Variants in KAZN observed in about 807,000 individuals in gnomAD.
KAZN encodes the protein kazrin.
A neutral mutation model predicts 87.4 loss-of-function variants in KAZN; 40 were observed. The observed-to-expected ratio is 0.46, with a 90% confidence interval of 0.36 to 0.60. The LOEUF (loss-of-function observed/expected upper bound fraction) is 0.60, where lower values mean the gene tolerates loss of function less well. KAZN is among the 20% of genes least tolerant of loss of function. KAZN has a pLI of 0.00. For missense variants in KAZN, 898 were observed against 1,073.9 expected (o/e 0.84, Z 2.29); for synonymous variants, 466 against 458.3 (o/e 1.02, Z -0.22).
chr1:14,716,939 GC>G (rs1236095149), intron 1 of KAZN, among the ~76,000 whole-genome samples: 1 of 151,854 alleles, frequency 6.6e-6, no homozygotes. Flanking sequence ...AGCATCTTAT[GC>G]TTTCTGGCCT....
At chr1:14,709,128 A>G (rs919274379) in intron 1 of KAZN, among the ~76,000 whole-genome samples, 1 of 151,976 alleles carries the variant, frequency 6.6e-6, no homozygotes, top group Non-Finnish European at 1.5e-5. Context: ...CCTCACCACC[A>G]CCCTAACGGC....
At chr1:14,703,141 G>A (rs1454412112) in intron 1 of KAZN, among the ~76,000 whole-genome samples, 1 of 152,210 alleles carries the variant, frequency 6.6e-6, no homozygotes, top group Non-Finnish European at 1.5e-5. Flanking sequence ...GTCTTTGAGA[G>A]TACTCCCTGA....
At chr1:14,805,690 G>A (rs144241161) in intron 1 of KAZN, among the ~76,000 whole-genome samples, 2 of 151,970 alleles carry the variant, frequency 1.3e-5, no homozygotes, top group African/African-American at 4.8e-5. Flanking sequence ...GAACCTGGGA[G>A]GTGGAGGTTG....
intron 2 of KAZN, among the ~76,000 whole-genome samples, chr1:14,229,690 A>G (rs932269854): frequency 6.6e-6 from 1 of 152,256 alleles, no homozygotes. Context: ...GGACCCTTTC[A>G]GGGCCCAAGC....
At chr1:14,920,383 C>G (rs1427605455) in intron 1 of KAZN, among the ~76,000 whole-genome samples, 2 of 151,454 alleles carry the variant, frequency 1.3e-5, no homozygotes, top group Non-Finnish European at 2.9e-5. Context: ...TCCCCACCCC[C>G]TGTCTGGACT....
intron 1 of KAZN, among the ~76,000 whole-genome samples, chr1:13,921,488 T>C (rs1271700912): frequency 1.3e-5 from 2 of 152,244 alleles, no homozygotes; most frequent in African/African-American, 4.8e-5. Flanking sequence ...TATAGTTTAC[T>C]GACATCTGTT....
intron 2 of KAZN, among the ~76,000 whole-genome samples, chr1:14,307,308 C>T (rs1015358130): frequency 2.0e-5 from 3 of 152,322 alleles, no homozygotes; most frequent in Middle Eastern, 3.4e-3. Context: ...CCAGTGGCAT[C>T]CTAGACACTC....
At chr1:14,952,061 A>G (rs1467084878) in intron 1 of KAZN, among the ~76,000 whole-genome samples, 1 of 152,060 alleles carries the variant, frequency 6.6e-6, no homozygotes, top group Non-Finnish European at 1.5e-5. Flanking sequence ...GGGTCATGAG[A>G]TGAGGGCTGT....
chr1:14,300,916 G>A (rs897028174), intron 2 of KAZN, among the ~76,000 whole-genome samples: 2 of 152,172 alleles, frequency 1.3e-5, no homozygotes, highest in African/African-American at 4.8e-5. Context: ...GTGGAACTTG[G>A]GTGTGGAGGT....
At chr1:14,469,451 C>T (rs184061502) in intron 2 of KAZN, among the ~76,000 whole-genome samples, 26 of 152,254 alleles carry the variant, frequency 1.7e-4, no homozygotes, top group Admixed American at 1.4e-3. Flanking sequence ...TCCATTCCAG[C>T]CCATTTTTAA....
At chr1:14,705,201 G>A (rs1209779016) in intron 1 of KAZN, among the ~76,000 whole-genome samples, 1 of 152,108 alleles carries the variant, frequency 6.6e-6, no homozygotes, top group East Asian at 1.9e-4. Context: ...CTCATCCCAG[G>A]TGTCTCTTCC....
At chr1:15,092,060 G>GTTTTTTTTTTTTT (rs57460680) in intron 8 of KAZN, among the ~76,000 whole-genome samples, 2 of 114,424 alleles carry the variant, frequency 1.7e-5, no homozygotes, top group South Asian at 2.7e-4. Flanking sequence ...TTGTTTTTTT[G>GTTTTTTTTTTTTT]TTTTTTTTTT....
intron 1 of KAZN, among the ~76,000 whole-genome samples, chr1:13,929,691 G>A (rs749336982): frequency 3.3e-5 from 5 of 152,284 alleles, no homozygotes; most frequent in African/African-American, 7.2e-5. Context: ...ACAGGAGGGC[G>A]TGTGGTTGGC....
intron 1 of KAZN, among the ~76,000 whole-genome samples, chr1:14,950,591 G>A (rs945547325): frequency 6.6e-6 from 1 of 152,152 alleles, no homozygotes. Flanking sequence ...TTAAGCTTAG[G>A]ACGCTGCGAG....
intron 1 of KAZN, among the ~76,000 whole-genome samples, chr1:14,699,178 A>G (rs1641783804): frequency 6.6e-6 from 1 of 151,258 alleles, no homozygotes; most frequent in South Asian, 2.1e-4. Flanking sequence ...GACAATGAGG[A>G]GACAACAATT....
At chr1:15,058,902 A>C (rs1638534735) in intron 5 of KAZN, among the ~76,000 whole-genome samples, 1 of 151,970 alleles carries the variant, frequency 6.6e-6, no homozygotes. Flanking sequence ...GATGCCTGTA[A>C]TCCCAGCTAC....
At chr1:14,330,787 C>G (rs1656797677) in intron 2 of KAZN, among the ~76,000 whole-genome samples, 1 of 152,088 alleles carries the variant, frequency 6.6e-6, no homozygotes, top group Middle Eastern at 3.2e-3. Flanking sequence ...TTATGCTACA[C>G]ACATACATAG....
chr1:14,156,059 A>C (rs554165299), intron 1 of KAZN, among the ~76,000 whole-genome samples: 2 of 152,116 alleles, frequency 1.3e-5, no homozygotes, highest in East Asian at 1.9e-4. Context: ...TATTGCAAGA[A>C]ATTTTTTAAT....
intron 1 of KAZN, among the ~76,000 whole-genome samples, chr1:14,857,729 AC>A (rs1028489965): frequency 6.6e-6 from 1 of 152,060 alleles, no homozygotes. Context: ...GGGTAAAACT[AC>A]CCCAGATGTT....
Sources: allele counts gnomAD v4.1 joint callset (sites outside exome capture counted in the v4.1 genomes callset), GRCh38; gene constraint gnomAD v4.1.1; transcripts MANE v1.5; gene names NCBI Gene and HGNC (gene_info 2026-07-23, HGNC 2026-07-21).